The following CIMAP1D variants were observed in gnomAD, a reference collection of about 807,000 sequenced individuals.
CIMAP1D encodes the protein CIMAP1 family member D.
At chr19:491,387 T>C in the CIMAP1D span, among the ~76,000 whole-genome samples, 5 of 152,288 alleles carry the variant, frequency 3.3e-5, no homozygotes, top group South Asian at 1.0e-3. Flanking sequence ...TCATAGACAA[T>C]TTCAGTCTCT....
chr19:489,500 C>G, the CIMAP1D span: 1 of 152,810 alleles, frequency 6.5e-6, no homozygotes, highest in Non-Finnish European at 1.5e-5. Context: ...CTCCCCGGAC[C>G]CCCCGGACCC....
the CIMAP1D span, chr19:463,513 G>A: frequency 5.0e-6 from 2 of 398,416 alleles, no homozygotes; most frequent in African/African-American, 4.3e-5. Context: ...GCTGGACGCC[G>A]AGTTCTGGGA....
At chr19:471,856 C>T in the CIMAP1D span, among the ~76,000 whole-genome samples, 1 of 152,150 alleles carries the variant, frequency 6.6e-6, no homozygotes, top group Non-Finnish European at 1.5e-5. Flanking sequence ...CATTCTCCTG[C>T]CTCAGCCTCC....
the CIMAP1D span, chr19:474,628 C>A: frequency 5.1e-6 from 8 of 1,564,320 alleles, no homozygotes; most frequent in African/African-American, 9.6e-5. Context: ...CACCGTTCTC[C>A]AGGGTGGCCG....
chr19:463,748 T>A, the CIMAP1D span: 1 of 1,498,292 alleles, frequency 6.7e-7, no homozygotes, highest in African/African-American at 1.4e-5. Flanking sequence ...AAGACTCCTT[T>A]CCCAGCCCCT....
At chr19:474,859 C>G in the CIMAP1D span, 1 of 870,452 alleles carries the variant, frequency 1.1e-6, no homozygotes, top group Non-Finnish European at 1.6e-6. Context: ...CACGGCCTCA[C>G]CACACCCTCC....
At chr19:467,799 G>C in the CIMAP1D span, 1 of 1,362,144 alleles carries the variant, frequency 7.3e-7, no homozygotes, top group East Asian at 2.3e-5. Flanking sequence ...GAGTGATTCT[G>C]AAGACAGTGC....
chr19:470,556 C>T, the CIMAP1D span, among the ~76,000 whole-genome samples: 1 of 152,168 alleles, frequency 6.6e-6, no homozygotes, highest in Non-Finnish European at 1.5e-5. Flanking sequence ...GGGGTGCTGA[C>T]GCCTTCACTG....
chr19:474,657 G>A, the CIMAP1D span: 2 of 1,584,330 alleles, frequency 1.3e-6, no homozygotes, highest in South Asian at 2.3e-5. Flanking sequence ...GACTTCCTCA[G>A]GCCGGTCTCC....
the CIMAP1D span, among the ~76,000 whole-genome samples, chr19:467,096 G>A: frequency 7.4e-6 from 1 of 134,684 alleles, no homozygotes; most frequent in African/African-American, 3.0e-5. Context: ...TGGATGGACG[G>A]GTGGATAGAT....
the CIMAP1D span, among the ~76,000 whole-genome samples, chr19:475,986 A>ATTT: frequency 0.061 from 2,413 of 39,300 alleles, 743 homozygotes; most frequent in Middle Eastern, 0.11. Flanking sequence ...CGCCTGGCTA[A>ATTT]TTTTTTTTTT....
chr19:483,507 T>C, the CIMAP1D span, among the ~76,000 whole-genome samples: 15 of 152,276 alleles, frequency 9.9e-5, no homozygotes, highest in African/African-American at 2.6e-4. Flanking sequence ...GAGATCATGG[T>C]GGGCTGAAAT....
chr19:467,008 G>A, the CIMAP1D span, among the ~76,000 whole-genome samples: 1 of 112,138 alleles, frequency 8.9e-6, no homozygotes, highest in African/African-American at 3.6e-5. Context: ...GTGTATGGAC[G>A]GGTGGATAGA....
chr19:484,932 A>G, the CIMAP1D span, among the ~76,000 whole-genome samples: 1 of 152,058 alleles, frequency 6.6e-6, no homozygotes, highest in Non-Finnish European at 1.5e-5. Context: ...AGGTGGGGGT[A>G]GGGAAGCCCG....
the CIMAP1D span, chr19:463,859 G>C: frequency 2.5e-6 from 4 of 1,609,032 alleles, no homozygotes; most frequent in Admixed American, 1.7e-5. Flanking sequence ...AGCAGCGGCC[G>C]GGCAGCCTGT....
At chr19:466,836 ATGGGTGGGTGGG>A in the CIMAP1D span, among the ~76,000 whole-genome samples, 1 of 5,984 alleles carries the variant, frequency 1.7e-4, no homozygotes, top group Non-Finnish European at 3.1e-4. Context: ...GGATAGATGG[ATGGGTGGGTGGG>A]TGGGTGGGTG....
the CIMAP1D span, among the ~76,000 whole-genome samples, chr19:486,978 C>T: frequency 1.1e-4 from 16 of 152,020 alleles, no homozygotes; most frequent in Non-Finnish European, 2.2e-4. Context: ...TCTCAAACTC[C>T]TGACCTCAAG....
chr19:486,435 A>AT, the CIMAP1D span, among the ~76,000 whole-genome samples: 1 of 151,670 alleles, frequency 6.6e-6, no homozygotes. Flanking sequence ...TGATTGATTG[A>AT]TTTTTTGTTT....
chr19:472,530 C>T, the CIMAP1D span: 37 of 1,468,388 alleles, frequency 2.5e-5, no homozygotes, highest in Non-Finnish European at 3.2e-5. Flanking sequence ...AGGTCACCTC[C>T]TGGGCCCAGA....
Sources: allele counts gnomAD v4.1 joint callset (sites outside exome capture counted in the v4.1 genomes callset), GRCh38; gene constraint gnomAD v4.1.1; transcripts MANE v1.5; gene names NCBI Gene and HGNC (gene_info 2026-07-23, HGNC 2026-07-21).